Variants in OR8G5 observed in about 807,000 individuals in gnomAD.
OR8G5 encodes the protein olfactory receptor 8G5.
For synonymous variants in OR8G5, 147 were observed against 147.7 expected, an observed-to-expected ratio of 1.00 and a Z score of 0.03; for missense variants, 347 against 371.9, an observed-to-expected ratio of 0.93 and a Z score of 0.55.
Position 124,265,833 on chromosome 11 carries a change from T to C in OR8G5, c.902T>C (p.Leu301Pro). 6.2e-7 allele frequency: 1 copy of C among 1,613,352 alleles called. No homozygotes were observed. Among genetic ancestry groups the C allele is most frequent in the South Asian group, 1.1e-5 (1 of 90,958 alleles). ...AGGAATAAAGATGTCCACGTTGCCC[T>C]GAAGAAAACGCTAGGGAAAAGAACA... is the stretch of plus-strand genomic sequence containing the variant. The part of the protein sequence containing the change: ...SLRNKDVHVA[L>P]KKTLGKRTFL Residue 301 changes from leucine (L) to proline (P), a missense_variant, in exon 2 of 2, where the codon CTG (leucine) becomes CCG (proline). Leu to Pro is a moderately conservative substitution (Grantham distance 98). Transcript: ENST00000641992.
chr11:124,257,802 A>C (rs1056282995), intron 1 of OR8G5, among the ~76,000 whole-genome samples: 1 of 152,172 alleles, frequency 6.6e-6, no homozygotes, highest in Admixed American at 6.5e-5. Flanking sequence ...AGTCCCACCC[A>C]GTACTTTGGG....
intron 1 of OR8G5, among the ~76,000 whole-genome samples, chr11:124,256,965 G>T (rs1412771127): frequency 6.6e-6 from 1 of 152,114 alleles, no homozygotes; most frequent in Non-Finnish European, 1.5e-5. Flanking sequence ...TTATAGTTTT[G>T]AATGAGATAT....
chr11:124,263,709 T>C (rs1459750220), intron 1 of OR8G5, among the ~76,000 whole-genome samples: 1 of 135,898 alleles, frequency 7.4e-6, no homozygotes, highest in Non-Finnish European at 1.6e-5. Flanking sequence ...TTTTATCAGT[T>C]GTTTTTCCAG....
rs769174016 is a variant in OR8G5 at position 124,265,723 on chromosome 11, T to A, written c.792T>A (p.Ser264=). 16 of 1,612,958 alleles carry A rather than the reference T, an allele frequency of 9.9e-6. 1 individual carries two copies. The highest frequency in any genetic ancestry group is 6.7e-5 in the Admixed American group (4 of 59,962). Residue 264 remains serine, a synonymous_variant, in exon 2 of 2, where the codon TCT becomes TCA. Coordinates refer to ENST00000641992, the MANE Select transcript of OR8G5 (RefSeq NM_001005198.2). ...CATTCATGTACCTGCAGCCATCATC[T>A]GTCAGCTCCATGGACCAGGGGAAAG... The part of the protein sequence containing the change: ...SAAFMYLQPS[S]VSSMDQGKVS...
chr11:124,266,006 A>C lies in OR8G5; in HGVS notation c.*139A>C, dbSNP rs565895862. On this transcript the variant is annotated 3_prime_UTR_variant, in exon 2 of 2. Transcript: ENST00000641992. ...ATTTTACTGACGTTATGTCTTATGC[A>C]CATGGTCTATTTCATGCCATTTCCC... is the stretch of plus-strand genomic sequence containing the variant. 191 of 1,065,538 alleles carry C rather than the reference A, an allele frequency of 1.8e-4. No homozygotes were observed. In the South Asian group the frequency reaches 3.2e-3, roughly 18 times the overall value. 66.0% of individuals were successfully genotyped at this position (1,065,538 alleles called of 1,614,324 possible). A position where few individuals can be genotyped will look rare whatever the true frequency, so the allele number is the denominator to read the frequency against.
chr11:124,264,282 C>T (rs1230849801), intron 1 of OR8G5, among the ~76,000 whole-genome samples: 3 of 152,188 alleles, frequency 2.0e-5, no homozygotes, highest in African/African-American at 7.2e-5. Context: ...GTCCATTCAA[C>T]AACTACTCAT....
At chr11:124,263,956 CCCTT>C (rs200334547) in intron 1 of OR8G5, among the ~76,000 whole-genome samples, 2 of 152,084 alleles carry the variant, frequency 1.3e-5, no homozygotes, top group South Asian at 2.1e-4. Context: ...ACTTTTTACT[CCCTT>C]CTAATTCACA....
rs2137755414 is a variant in OR8G5, at chr11:124,256,431, G to A, written c.-218G>A. The stretch of plus-strand genomic sequence containing the variant: ...AGAGCTAGAGAAACACAACTGAAAA[G>A]TGACAACTGGAGATGCTGATCAGCG... On this transcript the variant is annotated 5_prime_UTR_variant, in exon 1 of 2. It adds an upstream start codon to the 5' untranslated region. Transcript: ENST00000641992. The A allele has an allele frequency of 6.6e-6, 1 of 152,356 alleles. No individual in the cohort carries two copies. The highest frequency in any genetic ancestry group is 1.9e-4 in the East Asian group (1 of 5,172). The allele number at this position is 152,356 out of a possible 1,614,324, so 9.4% of individuals were successfully genotyped here. A position where few individuals can be genotyped will look rare whatever the true frequency, so the allele number is the denominator to read the frequency against.
In OR8G5 at chr11:124,265,562, A is replaced by G; in HGVS notation, c.631A>G (p.Ser211Gly). The G allele has an allele frequency of 6.2e-7, 1 of 1,613,940 alleles. No individual in the cohort carries two copies. The highest frequency in any genetic ancestry group is 8.5e-7 in the Non-Finnish European group (1 of 1,179,858). The stretch of plus-strand genomic sequence containing the variant: ...TAGTGGAATTAACATCCTTGTCCCC[A>G]GCCTGACCATCCTCAGCTCTTACAT... ...IFSGINILVPSLTILSSYIFI... is the reference protein window; with the variant it reads ...IFSGINILVPGLTILSSYIFI... Residue 211 changes from serine (S) to glycine (G), a missense_variant, in exon 2 of 2, where the codon AGC becomes GGC. By Grantham distance (56) the Ser-to-Gly change is moderately conservative. Transcript: ENST00000641992.
chr11:124,265,407 A>ATAT lies in OR8G5; in HGVS notation c.477_479dup (p.Ile160dup), dbSNP rs1382331420. 6.2e-7 allele frequency: 1 copy of ATAT among 1,613,932 alleles called. No individual in the cohort carries two copies. Among genetic ancestry groups the ATAT allele is most frequent in the Non-Finnish European group, 8.5e-7 (1 of 1,179,892 alleles). On this transcript the variant is annotated inframe_insertion, in exon 2 of 2. Transcript: ENST00000641992. ...ATAGGCCTGATTTGTGCGTCAGCTC[A>ATAT]TATAGGCTGTATGTTTAGGGTTCAA...
At chr11:124,256,721 A>G (rs1424312912) in intron 1 of OR8G5, 87 bp downstream of exon 1, 1 of 152,196 alleles carries the variant, frequency 6.6e-6, no homozygotes, top group African/African-American at 2.4e-5. Flanking sequence ...ATTTGTGAAT[A>G]CTTTCGTTCA....
chr11:124,260,969 A>G (rs1013341561), intron 1 of OR8G5, among the ~76,000 whole-genome samples: 5 of 151,752 alleles, frequency 3.3e-5, no homozygotes, highest in African/African-American at 1.2e-4. Context: ...ATCTCTTCAT[A>G]CTTCCACACC....
Position 124,265,035 on chromosome 11 carries a change from A to G in OR8G5, c.104A>G (p.Tyr35Cys), listed in dbSNP as rs370768676. 5.0e-6 allele frequency: 8 copies of G among 1,613,948 alleles called. No homozygotes were observed. The Admixed American group carries it at 6.7e-5, about 13-fold the overall frequency. ...LPLFLVFLGIYVVTVLGNLGM... is the reference protein window; with the variant it reads ...LPLFLVFLGICVVTVLGNLGM... ...CTCTTCCTCGTCTTCCTGGGAATCT[A>G]TGTAGTCACAGTGCTGGGGAACCTG... The change falls in exon 2 of 2, where the codon TAT (tyrosine) becomes TGT (cysteine). Residue 35 changes from tyrosine (Y) to cysteine (C), a missense_variant. Transcript: ENST00000641992.
intron 1 of OR8G5, among the ~76,000 whole-genome samples, chr11:124,257,451 C>G (rs1248482011): frequency 6.6e-6 from 1 of 152,110 alleles, no homozygotes; most frequent in African/African-American, 2.4e-5. Flanking sequence ...CTTAAATACT[C>G]TCTTCATGGA....
chr11:124,258,071 G>T (rs1209870835), intron 1 of OR8G5, among the ~76,000 whole-genome samples: 1 of 151,838 alleles, frequency 6.6e-6, no homozygotes, highest in East Asian at 1.9e-4. Context: ...CTCCTCTCTG[G>T]CTAGCATCTT....
intron 1 of OR8G5, among the ~76,000 whole-genome samples, chr11:124,257,469 T>G (rs1028987283): frequency 4.6e-5 from 7 of 152,082 alleles, no homozygotes; most frequent in Admixed American, 2.6e-4. Context: ...GGAAGAGAGA[T>G]GTGTGGACGC....
chr11:124,265,744 GA>G lies in OR8G5; in HGVS notation c.816del (p.Val273CysfsTer13), dbSNP rs1454418110. ...CATCTGTCAGCTCCATGGACCAGGG[GA>G]AAGTGTCCTCTGTGTTTTATACTAT... Reference protein sequence around the residue: ...PSSVSSMDQGKVSSVFYTIVV... With the variant: ...PSSVSSMDQGXVSSVFYTIVV... On this transcript the variant is annotated frameshift_variant, in exon 2 of 2. Transcript: ENST00000641992. LOFTEE classifies it low-confidence loss of function (END_TRUNC). 3 of 1,614,038 alleles carry G rather than the reference GA, an allele frequency of 1.9e-6. No individual in the cohort carries two copies. The Admixed American group carries it at 5.0e-5, about 27-fold the overall frequency.
chr11:124,264,889 A>G lies in OR8G5; in HGVS notation c.-14-29A>G. ...AGGAGAATAACAATACAATTCACCT[A>G]AATACCATGTTTTTTCTCTCCCCTG... On this transcript the variant is annotated intron_variant, in intron 1 of 1. Transcript: ENST00000641992. 3.1e-6 allele frequency: 5 copies of G among 1,610,624 alleles called. No homozygotes were observed. In the South Asian group the frequency reaches 5.5e-5, roughly 18 times the overall value.
chr11:124,261,857 CAG>C (rs1233286616), intron 1 of OR8G5, among the ~76,000 whole-genome samples: 3 of 151,894 alleles, frequency 2.0e-5, no homozygotes, highest in Admixed American at 2.0e-4. Flanking sequence ...GAAATTAAGA[CAG>C]ACATTTTAAA....
Sources: allele counts gnomAD v4.1 joint callset (sites outside exome capture counted in the v4.1 genomes callset), GRCh38; gene constraint gnomAD v4.1.1; transcripts MANE v1.5; gene names NCBI Gene and HGNC (gene_info 2026-07-23, HGNC 2026-07-21).